Variants in DIP2B observed in about 807,000 individuals in gnomAD.
The protein encoded by DIP2B is disco-interacting protein 2 homolog B.
Under a neutral mutation model 198.0 loss-of-function variants are expected in DIP2B, and 76 were observed. The observed-to-expected ratio is 0.38, with a 90% CI of 0.32 to 0.46. The LOEUF (loss-of-function observed/expected upper bound fraction) is 0.46, where lower values mean the gene tolerates loss of function less well. DIP2B is among the 20% of genes least tolerant of loss of function. The probability of loss-of-function intolerance (pLI) is 0.99; values close to 1 mark genes in which losing one functional copy is unlikely to be tolerated. For synonymous variants in DIP2B, 701 were observed against 739.1 expected (o/e 0.95, Z 0.84); for missense variants, 1,559 against 1,978.4 (o/e 0.79, Z 4.02).
At position 50,723,060 on chromosome 12, in the gene DIP2B, C is replaced by A. The variant is rs186719566; in HGVS notation, c.3167-142C>A. 1.5e-4 allele frequency: 143 copies of A among 924,218 alleles called. No individual in the cohort carries two copies. In the African/African-American group the frequency reaches 2.2e-3, roughly 14 times the overall value. The allele number at this position is 924,218 out of a possible 1,614,324, so 57.3% of individuals were successfully genotyped here. A position where few individuals can be genotyped will look rare whatever the true frequency, so the allele number is the denominator to read the frequency against. On this transcript the variant is annotated intron_variant, in intron 26 of 37. Coordinates refer to ENST00000301180, the MANE Select transcript of DIP2B (RefSeq NM_173602.3). ...TGCTTCCTTCTTTCACTTTCAATAT[C>A]TTCTGCTAGGGTCTTTGTTAAATTA... is the stretch of plus-strand genomic sequence containing the variant.
intron 1 of DIP2B, among the ~76,000 whole-genome samples, chr12:50,524,568 G>T (rs7953560): frequency 1.3e-5 from 2 of 150,642 alleles, no homozygotes; most frequent in South Asian, 2.1e-4. Context: ...CCATCCTCCC[G>T]CTTCCCTCTT....
At chr12:50,697,324 C>A in intron 17 of DIP2B, 149 bp downstream of exon 17, 1 of 656,930 alleles carries the variant, frequency 1.5e-6, no homozygotes, top group Non-Finnish European at 2.5e-6. Flanking sequence ...AAAGTGTATG[C>A]AGTAAACTGA....
intron 1 of DIP2B, among the ~76,000 whole-genome samples, chr12:50,616,814 G>T (rs1025680590): frequency 6.6e-6 from 1 of 152,210 alleles, no homozygotes; most frequent in African/African-American, 2.4e-5. Context: ...AAGAGAACAT[G>T]ATAAAATATA....
intron 14 of DIP2B, among the ~76,000 whole-genome samples, chr12:50,693,745 T>TAGGG (rs1338268038): frequency 6.6e-6 from 1 of 152,164 alleles, no homozygotes; most frequent in African/African-American, 2.4e-5. Flanking sequence ...AAGTGCAAGA[T>TAGGG]AGGGACATGT....
At chr12:50,727,839 C>A (rs1423958339) in intron 29 of DIP2B, 27 bp downstream of exon 29, 1 of 1,578,328 alleles carries the variant, frequency 6.3e-7, no homozygotes, top group Admixed American at 1.7e-5. Flanking sequence ...AAAAATGCCA[C>A]ATCTGCCAAA....
intron 1 of DIP2B, among the ~76,000 whole-genome samples, chr12:50,555,130 T>C (rs1386514455): frequency 6.6e-6 from 1 of 152,200 alleles, no homozygotes; most frequent in African/African-American, 2.4e-5. Context: ...CTCTTCCTAG[T>C]GTCCCCCATT....
rs370478703 is a variant in DIP2B, at chr12:50,626,010, G to A, written c.135G>A (p.Arg45=). 1.9e-6 allele frequency: 3 copies of A among 1,613,954 alleles called. No individual in the cohort carries two copies. The highest frequency in any genetic ancestry group is 4.5e-5 in the East Asian group (2 of 44,880). The change falls in exon 2 of 38, where the codon AGG becomes AGA. Residue 45 remains arginine, a synonymous_variant. Transcript: ENST00000301180. ...CCCAGAAGGGCTATGAAAAGAAAAG[G>A]TCCAAACTCCTATCTCCTTACAGCC... The part of the protein sequence containing the change: ...DITQKGYEKK[R]SKLLSPYSPQ...
At chr12:50,534,829 A>G (rs1305929608) in intron 1 of DIP2B, among the ~76,000 whole-genome samples, 1 of 152,190 alleles carries the variant, frequency 6.6e-6, no homozygotes, top group Non-Finnish European at 1.5e-5. Flanking sequence ...TGGGAGATGA[A>G]GTGGCTAGAT....
At chr12:50,548,486 G>A (rs985176688) in intron 1 of DIP2B, among the ~76,000 whole-genome samples, 1 of 151,976 alleles carries the variant, frequency 6.6e-6, no homozygotes, top group Admixed American at 6.6e-5. Flanking sequence ...AGAATGCATG[G>A]TATTGGCATA....
At chr12:50,678,451 A>G (rs1938984974) in intron 7 of DIP2B, among the ~76,000 whole-genome samples, 2 of 152,162 alleles carry the variant, frequency 1.3e-5, no homozygotes, top group African/African-American at 2.4e-5. Flanking sequence ...TTGCTTTGTC[A>G]GGGTCAGGAT....
rs201303405 is a variant in DIP2B at position 50,582,158 on chromosome 12, T to G, written c.101-43818T>G. On this transcript the variant is annotated intron_variant, in intron 1 of 37. Coordinates refer to ENST00000301180, the MANE Select transcript of DIP2B (RefSeq NM_173602.3). ...TTCTTTTTTTCTGTTTTTTTTTTTT[T>G]TTTTTTTTTTTGAGTGGAGTTTCGT... Among the ~76,000 whole-genome samples, 7 of 145,238 alleles carry G rather than the reference T, an allele frequency of 4.8e-5. No homozygotes were observed. In the South Asian group the frequency reaches 7.0e-4, roughly 15 times the overall value.
At chr12:50,722,614 A>T (rs1307667084) in intron 26 of DIP2B, among the ~76,000 whole-genome samples, 1 of 152,188 alleles carries the variant, frequency 6.6e-6, no homozygotes, top group African/African-American at 2.4e-5. Flanking sequence ...GTAGAAGATC[A>T]TGTGATAAAG....
At chr12:50,690,871 C>G (rs74417582) in intron 12 of DIP2B, among the ~76,000 whole-genome samples, 178 bp from the exon 13 acceptor site, 28 of 152,276 alleles carry the variant, frequency 1.8e-4, no homozygotes, top group African/African-American at 6.5e-4. Context: ...ATCCTCCAAT[C>G]CTATCTTTGT....
At position 50,744,904 on chromosome 12, in the gene DIP2B, A is replaced by AG. The variant is rs1362167195; in HGVS notation, c.*66dup. 1 of 1,573,708 alleles carries AG rather than the reference A, an allele frequency of 6.4e-7. No homozygotes were observed. The highest frequency in any genetic ancestry group is 8.7e-7 in the Non-Finnish European group (1 of 1,154,326). Reference sequence around the variant, plus strand: ...CACAAAGACAGAAGACCTCTGGCTAAGAGCAGGCTTCAAACGATGTGAAAT... The same window carrying AG: ...CACAAAGACAGAAGACCTCTGGCTAAGGAGCAGGCTTCAAACGATGTGAAAT... On this transcript the variant is annotated 3_prime_UTR_variant, in exon 38 of 38. Transcript: ENST00000301180.
chr12:50,513,172 A>G (rs1593567774), intron 1 of DIP2B, among the ~76,000 whole-genome samples: 1 of 152,218 alleles, frequency 6.6e-6, no homozygotes, highest in Admixed American at 6.5e-5. Flanking sequence ...GCAGTTTTTA[A>G]TATCTTGTGT....
intron 1 of DIP2B, among the ~76,000 whole-genome samples, chr12:50,586,393 CA>C (rs1189576362): frequency 6.6e-6 from 1 of 151,980 alleles, no homozygotes; most frequent in Non-Finnish European, 1.5e-5. Context: ...GGAGAATGCC[CA>C]AAAAGTGATG....
chr12:50,593,236 G>A (rs936627602), intron 1 of DIP2B, among the ~76,000 whole-genome samples: 1 of 152,214 alleles, frequency 6.6e-6, no homozygotes, highest in African/African-American at 2.4e-5. Flanking sequence ...GCTGGGTGCA[G>A]TGGCTCACGC....
In DIP2B at chr12:50,732,397, C is replaced by T; in HGVS notation, c.3842C>T (p.Thr1281Ile). 1 of 1,614,220 alleles carries T rather than the reference C, an allele frequency of 6.2e-7. No homozygotes were observed. The highest frequency in any genetic ancestry group is 8.5e-7 in the Non-Finnish European group (1 of 1,180,036). ...TRGINLSCVR[T>I]CVVVAEERPR... is the part of the protein sequence containing the mutation. Reference sequence around the variant, plus strand: ...GGGATCAACCTCTCCTGCGTCCGGACCTGTGTGGTGGTGGCGGAGGAGAGG... The same window carrying T: ...GGGATCAACCTCTCCTGCGTCCGGATCTGTGTGGTGGTGGCGGAGGAGAGG... The change falls in exon 32 of 38, where the codon ACC (threonine) becomes ATC (isoleucine). Residue 1281 changes from threonine to isoleucine, a missense_variant. By Grantham distance (89) the Thr-to-Ile change is moderately conservative. Transcript: ENST00000301180.
intron 20 of DIP2B, 110 bp downstream of exon 20, chr12:50,704,330 C>G (rs143204532): frequency 1.0e-6 from 1 of 978,390 alleles, no homozygotes; most frequent in African/African-American, 1.7e-5. Flanking sequence ...AGAACCACTT[C>G]ACTTATATTT....
Sources: gnomAD v4.1 joint callset for allele counts (sites outside exome capture counted in the v4.1 genomes callset) on GRCh38, gnomAD v4.1.1 for gene constraint, MANE v1.5 for transcripts, NCBI Gene and HGNC (gene_info 2026-07-23, HGNC 2026-07-21) for gene names.